Variants in GNG4 observed in about 807,000 individuals in gnomAD.
The protein encoded by GNG4 is G protein subunit gamma 4.
In GNG4, 4 loss-of-function variants were observed where a neutral mutation model predicts 5.8. The ratio of observed to expected loss-of-function variants is 0.69; its 90% confidence interval spans 0.34 to 1.57. The LOEUF is 1.57. Among genes scored for constraint, GNG4 ranks in the 40% most tolerant of loss-of-function variants. The probability of loss-of-function intolerance (pLI) is 0.06; values close to 1 mark genes in which losing one functional copy is unlikely to be tolerated. For missense variants in GNG4, 96 were observed against 95.1 expected, an observed-to-expected ratio of 1.01 and a Z score of -0.04; for synonymous variants, 29 against 32.9, an observed-to-expected ratio of 0.88 and a Z score of 0.41.
intron 1 of GNG4, among the ~76,000 whole-genome samples, chr1:235,596,909 T>A (rs969625486): frequency 3.3e-5 from 5 of 151,790 alleles, no homozygotes; most frequent in African/African-American, 9.7e-5. Flanking sequence ...TTTTTTTTTT[T>A]ATTTTGTAGA....
intron 2 of GNG4, among the ~76,000 whole-genome samples, chr1:235,594,136 A>G (rs1273738260): frequency 1.3e-5 from 2 of 152,140 alleles, no homozygotes; most frequent in Non-Finnish European, 1.5e-5. Context: ...TAGATTAGCT[A>G]GATACAGAGT....
chr1:235,599,025 C>A (rs1345994127), intron 1 of GNG4, among the ~76,000 whole-genome samples: 1 of 152,146 alleles, frequency 6.6e-6, no homozygotes, highest in African/African-American at 2.4e-5. Flanking sequence ...CCACACCCGG[C>A]CTTCCCAGGT....
rs533853180 is a variant in GNG4 at position 235,600,100 on chromosome 1, C to CTTTTTTTTTTTTTTTTTTT, written c.-122-4608_-122-4590dup. Among the ~76,000 whole-genome samples the CTTTTTTTTTTTTTTTTTTT allele has an allele frequency of 5.3e-3, 228 of 43,138 alleles. 55 individuals carry two copies. The highest frequency in any genetic ancestry group is 8.0e-3 in the Non-Finnish European group (194 of 24,362). The allele number at this position is 43,138 out of a possible 152,430, so 28.3% of individuals were successfully genotyped here. Reference sequence around the variant, plus strand: ...TCCTTTATCTGGTTGCGGAAGAAAGCTTTTTTTTTTTTTTTTTTTTTTTTT... The same window carrying CTTTTTTTTTTTTTTTTTTT: ...TCCTTTATCTGGTTGCGGAAGAAAGCTTTTTTTTTTTTTTTTTTTTTTTTTTTTTTTTTTTTTTTTTTTT... On this transcript the variant is annotated intron_variant, in intron 1 of 3. Coordinates refer to ENST00000391854, the MANE Select transcript of GNG4 (RefSeq NM_001098722.2).
intron 3 of GNG4, among the ~76,000 whole-genome samples, chr1:235,555,009 A>G (rs1039327321): frequency 1.3e-5 from 2 of 152,210 alleles, no homozygotes; most frequent in Non-Finnish European, 2.9e-5. Flanking sequence ...AGTATTCACT[A>G]TCTACCCTTT....
At chr1:235,567,339 G>A (rs561570524) in intron 3 of GNG4, among the ~76,000 whole-genome samples, 6 of 152,084 alleles carry the variant, frequency 3.9e-5, no homozygotes, top group Admixed American at 6.5e-5. Flanking sequence ...CAAATGCATC[G>A]TCTTAACTAT....
At chr1:235,553,728 G>A (rs1162612781) in intron 3 of GNG4, among the ~76,000 whole-genome samples, 1 of 152,210 alleles carries the variant, frequency 6.6e-6, no homozygotes, top group East Asian at 1.9e-4. Context: ...ACCTACATTT[G>A]TTAAGAATGT....
At chr1:235,571,726 G>A (rs1036609951) in intron 3 of GNG4, among the ~76,000 whole-genome samples, 6 of 152,158 alleles carry the variant, frequency 3.9e-5, no homozygotes, top group Non-Finnish European at 5.9e-5. Flanking sequence ...ATCACAGAGT[G>A]TACTTCTACA....
At chr1:235,593,479 A>C (rs1025629493) in intron 2 of GNG4, among the ~76,000 whole-genome samples, 13 of 152,152 alleles carry the variant, frequency 8.5e-5, no homozygotes, top group African/African-American at 2.4e-4. Context: ...TGTAGGCAGA[A>C]TACTACAGCC....
intron 3 of GNG4, among the ~76,000 whole-genome samples, chr1:235,557,626 C>G (rs150290914): frequency 6.6e-6 from 1 of 152,134 alleles, no homozygotes; most frequent in African/African-American, 2.4e-5. Flanking sequence ...TTACCTGTCC[C>G]GGTGGTTATC....
intron 1 of GNG4, among the ~76,000 whole-genome samples, chr1:235,598,866 C>T (rs557847401): frequency 6.6e-6 from 1 of 152,094 alleles, no homozygotes; most frequent in East Asian, 1.9e-4. Flanking sequence ...CCTGGGATTA[C>T]AGGTGCATGC....
chr1:235,639,620 T>A (rs1657257557), intron 1 of GNG4, among the ~76,000 whole-genome samples: 1 of 152,174 alleles, frequency 6.6e-6, no homozygotes, highest in African/African-American at 2.4e-5. Flanking sequence ...CTTAGCTCAC[T>A]GCAACCTCTG....
intron 1 of GNG4, among the ~76,000 whole-genome samples, chr1:235,628,216 CA>C (rs1467085336): frequency 3.3e-5 from 5 of 152,088 alleles, no homozygotes; most frequent in Admixed American, 2.0e-4. Context: ...ACAACAACAA[CA>C]AAAAACCAGA....
intron 3 of GNG4, among the ~76,000 whole-genome samples, chr1:235,570,862 A>ATGTGTGTGTGTGTG (rs1553365373): frequency 1.1e-3 from 151 of 141,588 alleles, no homozygotes; most frequent in African/African-American, 3.8e-3. Flanking sequence ...ATATATATAT[A>ATGTGTGTGTGTGTG]TGTGTGTGTG....
intron 2 of GNG4, among the ~76,000 whole-genome samples, chr1:235,594,619 C>T (rs937399030): frequency 5.9e-5 from 9 of 152,228 alleles, no homozygotes; most frequent in Non-Finnish European, 1.5e-5. Context: ...AGCACAGCAG[C>T]TGCTGGCCCA....
intron 1 of GNG4, among the ~76,000 whole-genome samples, chr1:235,605,029 T>TA (rs1688329812): frequency 6.6e-6 from 1 of 152,134 alleles, no homozygotes; most frequent in South Asian, 2.1e-4. Context: ...ATGAGAAAAT[T>TA]GAGATCCGGC....
chr1:235,630,241 G>A (rs1357029072), intron 1 of GNG4, among the ~76,000 whole-genome samples: 6 of 152,118 alleles, frequency 3.9e-5, no homozygotes, highest in Admixed American at 1.3e-4. Context: ...TCACAAAAGA[G>A]GCTGGTCATC....
intron 3 of GNG4, among the ~76,000 whole-genome samples, chr1:235,561,818 A>T (rs902006767): frequency 1.3e-5 from 2 of 152,140 alleles, no homozygotes; most frequent in Admixed American, 1.3e-4. Context: ...TTTTACTGTA[A>T]TCTAGCTTGT....
intron 3 of GNG4, among the ~76,000 whole-genome samples, chr1:235,563,036 G>C (rs1375673615): frequency 1.3e-5 from 2 of 152,080 alleles, no homozygotes; most frequent in South Asian, 2.1e-4. Context: ...ATTTGGTATT[G>C]TTTCTGCTGT....
chr1:235,586,648 G>A (rs1687766300), intron 2 of GNG4, among the ~76,000 whole-genome samples: 1 of 152,188 alleles, frequency 6.6e-6, no homozygotes, highest in Admixed American at 6.5e-5. Flanking sequence ...AAGTCACTCT[G>A]AGTTCATCCA....
Sources: allele counts gnomAD v4.1 joint callset (sites outside exome capture counted in the v4.1 genomes callset), GRCh38; gene constraint gnomAD v4.1.1; transcripts MANE v1.5; gene names NCBI Gene and HGNC (gene_info 2026-07-23, HGNC 2026-07-21).